TRIM61: variants seen among roughly 807,000 people sequenced by gnomAD.
TRIM61 encodes the protein tripartite motif containing 61.
TRIM61 carries 1 observed loss-of-function variant against 14.2 expected under a neutral mutation model. That is an observed-to-expected ratio of 0.07 (90% CI 0.03 to 0.33). TRIM61 has a LOEUF of 0.33. TRIM61 is among the 10% of genes least tolerant of loss of function. TRIM61 has a pLI of 0.99. For missense variants in TRIM61, 19 were observed against 202.2 expected, an observed-to-expected ratio of 0.09 and a Z score of 5.49; for synonymous variants, 8 against 71.6, an observed-to-expected ratio of 0.11 and a Z score of 4.49.
chr4:164,964,621 T>A (rs1006227113), intron 3 of TRIM61, among the ~76,000 whole-genome samples: 6 of 152,104 alleles, frequency 3.9e-5, no homozygotes, highest in Non-Finnish European at 7.3e-5. Context: ...GGGTGATGAA[T>A]AAGGGATGGA....
chr4:164,973,855 T>A (rs1438238491), intron 2 of TRIM61, among the ~76,000 whole-genome samples: 1 of 152,220 alleles, frequency 6.6e-6, no homozygotes, highest in East Asian at 1.9e-4. Context: ...TATATAGAGA[T>A]AACCTATATT....
chr4:164,968,918 C>T (rs2111145957), intron 3 of TRIM61: 1 of 992,158 alleles, frequency 1.0e-6, no homozygotes, highest in South Asian at 4.6e-5. Flanking sequence ...ACCAAGAATC[C>T]ATTCAGGCTT....
chr4:164,962,353 T>G (rs948777689), intron 3 of TRIM61, among the ~76,000 whole-genome samples: 44 of 151,602 alleles, frequency 2.9e-4, no homozygotes, highest in Non-Finnish European at 5.0e-4. Flanking sequence ...CCCGAGTAGC[T>G]GGGACTACAG....
At chr4:164,963,250 T>A (rs1434675081) in intron 3 of TRIM61, among the ~76,000 whole-genome samples, 12 of 151,958 alleles carry the variant, frequency 7.9e-5, no homozygotes, top group Admixed American at 7.9e-4. Flanking sequence ...GTTTTAATCC[T>A]AGCAGTTTTG....
intron 3 of TRIM61, among the ~76,000 whole-genome samples, chr4:164,964,272 C>T (rs1310505754): frequency 1.3e-5 from 2 of 149,456 alleles, no homozygotes; most frequent in African/African-American, 2.5e-5. Context: ...GGCATGAACC[C>T]GGGAGGCGAA....
intron 2 of TRIM61, among the ~76,000 whole-genome samples, chr4:164,970,696 T>TA (rs370122213): frequency 3.3e-5 from 5 of 150,226 alleles, no homozygotes; most frequent in Middle Eastern, 3.4e-3. Context: ...AAACAAGCAT[T>TA]AAAAAAAAAG....
intron 3 of TRIM61, among the ~76,000 whole-genome samples, chr4:164,956,724 G>A (rs554690092): frequency 1.3e-5 from 2 of 152,340 alleles, no homozygotes; most frequent in South Asian, 2.1e-4. Flanking sequence ...CTGTTAAGGC[G>A]GGGCAGGGAG....
At chr4:164,973,364 C>T (rs1165470813) in intron 2 of TRIM61, among the ~76,000 whole-genome samples, 2 of 152,216 alleles carry the variant, frequency 1.3e-5, no homozygotes, top group Non-Finnish European at 2.9e-5. Context: ...CTTCTTTACA[C>T]TCGCACGGCA....
intron 3 of TRIM61, chr4:164,969,283 T>C (rs1230318705): frequency 2.3e-5 from 33 of 1,452,508 alleles, no homozygotes; most frequent in African/African-American, 1.9e-4. Flanking sequence ...ACTTCACATA[T>C]ATGCTCTCTA....
At chr4:164,965,960 C>T (rs1022460682) in intron 3 of TRIM61, among the ~76,000 whole-genome samples, 1 of 151,948 alleles carries the variant, frequency 6.6e-6, no homozygotes, top group African/African-American at 2.4e-5. Context: ...TCAAATTAAA[C>T]AAGAAACCAA....
At chr4:164,956,189 C>T (rs1162722121) in intron 3 of TRIM61, among the ~76,000 whole-genome samples, 3 of 152,174 alleles carry the variant, frequency 2.0e-5, no homozygotes, top group Non-Finnish European at 2.9e-5. Context: ...CCTCAGCCTC[C>T]GGAGTAGCTG....
Position 164,968,635 on chromosome 4 carries a change from T to C in TRIM61, c.525+843A>G, listed in dbSNP as rs1341820186. The C allele has an allele frequency of 2.7e-5, 27 of 985,504 alleles. No homozygotes were observed. In the South Asian group the frequency reaches 2.8e-4, roughly 10 times the overall value. 61.0% of individuals were successfully genotyped at this position (985,504 alleles called of 1,614,324 possible). On this transcript the variant is annotated intron_variant, in intron 3 of 4. Coordinates refer to ENST00000329314, the MANE Select transcript of TRIM61 (RefSeq NM_001012414.3). Reference sequence around the variant, plus strand: ...AAATTTTAAGAGGTTTTGAGTCAGTTCCAGTATAAAAATAAGGCCAAAGTG... The same window carrying C: ...AAATTTTAAGAGGTTTTGAGTCAGTCCCAGTATAAAAATAAGGCCAAAGTG...
chr4:164,963,759 AAAG>A (rs1485899987), intron 3 of TRIM61, among the ~76,000 whole-genome samples: 15 of 151,426 alleles, frequency 9.9e-5, no homozygotes, highest in East Asian at 3.9e-4. Flanking sequence ...AAAAAAAAAA[AAAG>A]AAATCACACA....
At chr4:164,957,729 G>T (rs577273812) in intron 3 of TRIM61, 6 of 538,628 alleles carry the variant, frequency 1.1e-5, no homozygotes, top group Admixed American at 3.8e-5. Context: ...AAAATATAAA[G>T]AATAGGATAT....
intron 2 of TRIM61, among the ~76,000 whole-genome samples, chr4:164,972,231 G>A (rs72697948): frequency 0.011 from 1,686 of 152,204 alleles, 16 homozygotes; most frequent in Non-Finnish European, 0.02. Context: ...TTAGAAAATC[G>A]ATGTGTCTTT....
At chr4:164,976,858 A>C (rs1183773714) in intron 1 of TRIM61, 33 bp from the exon 2 acceptor site, 1 of 152,210 alleles carries the variant, frequency 6.6e-6, no homozygotes, top group Non-Finnish European at 1.5e-5. Flanking sequence ...AGATCCATTA[A>C]GATCTAGTCC....
chr4:164,967,052 C>T (rs751279715), intron 3 of TRIM61, among the ~76,000 whole-genome samples: 3 of 152,100 alleles, frequency 2.0e-5, no homozygotes, highest in Non-Finnish European at 4.4e-5. Context: ...ACAAGAGCTA[C>T]TAAAAATGAG....
chr4:164,965,333 C>T (rs902944831), intron 3 of TRIM61, among the ~76,000 whole-genome samples: 1 of 152,042 alleles, frequency 6.6e-6, no homozygotes, highest in African/African-American at 2.4e-5. Flanking sequence ...TTTACAATAG[C>T]ACCTGGAGCT....
chr4:164,955,724 T>C (rs1731972701), intron 3 of TRIM61, among the ~76,000 whole-genome samples: 1 of 152,144 alleles, frequency 6.6e-6, no homozygotes, highest in African/African-American at 2.4e-5. Flanking sequence ...CAGCCCCAGA[T>C]GACTCAGGTA....
Sources: gnomAD v4.1 joint callset for allele counts (sites outside exome capture counted in the v4.1 genomes callset) on GRCh38, gnomAD v4.1.1 for gene constraint, MANE v1.5 for transcripts, NCBI Gene and HGNC (gene_info 2026-07-23, HGNC 2026-07-21) for gene names.